The following AK5 variants were observed in gnomAD, a reference collection of about 807,000 sequenced individuals.
AK5 encodes the protein adenylate kinase 5.
A neutral mutation model predicts 69.5 loss-of-function variants in AK5; 27 were observed. That is an observed-to-expected ratio of 0.39 (90% CI 0.29 to 0.54). AK5 has a LOEUF of 0.54. Among genes scored for constraint, AK5 ranks in the 20% least tolerant of loss-of-function variants. The pLI is 0.71. For synonymous variants in AK5, 260 were observed against 244.4 expected, an observed-to-expected ratio of 1.06 and a Z score of -0.60; for missense variants, 531 against 700.4, an observed-to-expected ratio of 0.76 and a Z score of 2.73.
intron 2 of AK5, among the ~76,000 whole-genome samples, chr1:77,289,841 C>T (rs955651285): frequency 5.2e-5 from 6 of 115,548 alleles, no homozygotes; most frequent in Non-Finnish European, 8.1e-5. Flanking sequence ...CCAGCCTGGG[C>T]GACACAGAGA....
At chr1:77,521,778 A>G (rs1366832938) in intron 11 of AK5, 49 bp from the exon 12 acceptor site, 8 of 1,395,562 alleles carry the variant, frequency 5.7e-6, no homozygotes, top group South Asian at 1.2e-5. Context: ...GGGTACTTCT[A>G]GTGTTCTGTG....
chr1:77,518,479 C>T, intron 10 of AK5, 85 bp from the exon 11 acceptor site: 2 of 1,426,382 alleles, frequency 1.4e-6, no homozygotes. Flanking sequence ...GACTGGAACA[C>T]TGAGGCTTGC....
At chr1:77,440,353 G>A (rs1209893194) in intron 8 of AK5, among the ~76,000 whole-genome samples, 1 of 151,964 alleles carries the variant, frequency 6.6e-6, no homozygotes, top group East Asian at 1.9e-4. Flanking sequence ...CCTCTAATAG[G>A]GATTCCCTTA....
At chr1:77,466,767 T>C (rs1387100676) in intron 8 of AK5, among the ~76,000 whole-genome samples, 1 of 152,186 alleles carries the variant, frequency 6.6e-6, no homozygotes, top group African/African-American at 2.4e-5. Context: ...CAAGCCCTTT[T>C]TAAGAGGGCT....
At chr1:77,328,609 A>G (rs1660929852) in intron 5 of AK5, among the ~76,000 whole-genome samples, 2 of 152,240 alleles carry the variant, frequency 1.3e-5, no homozygotes, top group Admixed American at 1.3e-4. Context: ...AGCCATAAAA[A>G]TGAAGCCACA....
intron 10 of AK5, among the ~76,000 whole-genome samples, chr1:77,516,813 T>G (rs994089414): frequency 2.0e-5 from 3 of 152,072 alleles, no homozygotes; most frequent in African/African-American, 7.2e-5. Context: ...CTCATGCCTG[T>G]AATCCCAGCA....
chr1:77,540,009 T>G (rs1285292667), intron 13 of AK5, among the ~76,000 whole-genome samples: 2 of 152,166 alleles, frequency 1.3e-5, no homozygotes, highest in African/African-American at 4.8e-5. Context: ...AGCCCACAAA[T>G]AGGCCACAAG....
chr1:77,381,616 A>C (rs892420693), intron 6 of AK5, among the ~76,000 whole-genome samples: 2 of 152,210 alleles, frequency 1.3e-5, no homozygotes, highest in Non-Finnish European at 2.9e-5. Context: ...CAATAGTGGG[A>C]TATCCTTGAC....
At position 77,558,660 on chromosome 1, in the gene AK5, C is replaced by CCAT. The variant is rs1553164109; in HGVS notation, c.1679_1680insCAT (p.Ile561dup). The stretch of plus-strand genomic sequence containing the variant: ...CTTCAACTCTGCACAGCTATTGACT[C>CCAT]TATTTTCTGAAGGCAAAAATGCATG... On this transcript the variant is annotated inframe_insertion, in exon 14 of 14. Coordinates refer to ENST00000354567, the MANE Select transcript of AK5 (RefSeq NM_174858.3). 30 of 1,592,416 alleles carry CCAT rather than the reference C, an allele frequency of 1.9e-5. No individual in the cohort carries two copies. The highest frequency in any genetic ancestry group is 1.7e-4 in the Middle Eastern group (1 of 6,030).
chr1:77,546,430 C>T (rs1480857960), intron 13 of AK5, among the ~76,000 whole-genome samples: 3 of 152,072 alleles, frequency 2.0e-5, no homozygotes, highest in African/African-American at 7.2e-5. Context: ...GTTGGGAATT[C>T]ATAGGAAAAA....
intron 13 of AK5, among the ~76,000 whole-genome samples, chr1:77,552,305 C>T (rs1440504075): frequency 6.6e-6 from 1 of 152,182 alleles, no homozygotes; most frequent in Non-Finnish European, 1.5e-5. Flanking sequence ...TCCCATCCCT[C>T]TCCCCCACTG....
At chr1:77,496,732 A>G (rs1054816341) in intron 10 of AK5, among the ~76,000 whole-genome samples, 1 of 152,152 alleles carries the variant, frequency 6.6e-6, no homozygotes, top group East Asian at 1.9e-4. Flanking sequence ...GTGTCTAGCT[A>G]AAGGATTGTA....
intron 8 of AK5, among the ~76,000 whole-genome samples, chr1:77,474,383 A>G (rs1056829332): frequency 6.6e-6 from 1 of 151,956 alleles, no homozygotes; most frequent in Admixed American, 6.5e-5. Flanking sequence ...TCCCACTGCC[A>G]CTAACTAGCT....
chr1:77,349,043 CA>C (rs1007459205), intron 6 of AK5, among the ~76,000 whole-genome samples: 1 of 151,228 alleles, frequency 6.6e-6, no homozygotes, highest in Admixed American at 6.6e-5. Flanking sequence ...GTCCCCCCTC[CA>C]AAAAAAAGAA....
At chr1:77,450,876 A>C (rs1207808484) in intron 8 of AK5, among the ~76,000 whole-genome samples, 5 of 152,180 alleles carry the variant, frequency 3.3e-5, no homozygotes, top group African/African-American at 1.2e-4. Context: ...CTTTTTTATT[A>C]TTTATAAAAG....
In AK5 at chr1:77,383,436, A is replaced by G. The variant is rs142446946; in HGVS notation, c.892-27545A>G. 4.5e-4 allele frequency among the ~76,000 whole-genome samples: 69 copies of G among 152,294 alleles called. 1 individual carries two copies. The East Asian group carries it at 0.013, about 29-fold the overall frequency. ...TAGGAAATCCAGGGTAATAAACTGAAAGCTATGTGTGATGATCTAGAAAAT... is the reference window on the plus strand; with the variant it reads ...TAGGAAATCCAGGGTAATAAACTGAGAGCTATGTGTGATGATCTAGAAAAT... On this transcript the variant is annotated intron_variant, in intron 6 of 13. Transcript: ENST00000354567.
chr1:77,513,209 T>C (rs1375339391), intron 10 of AK5, among the ~76,000 whole-genome samples: 2 of 152,176 alleles, frequency 1.3e-5, no homozygotes, highest in African/African-American at 2.4e-5. Context: ...TTATGCCATC[T>C]TTCCCACACT....
intron 13 of AK5, among the ~76,000 whole-genome samples, chr1:77,546,645 G>A (rs1659558438): frequency 6.6e-6 from 1 of 152,178 alleles, no homozygotes; most frequent in Admixed American, 6.5e-5. Context: ...ATGAGGCAGA[G>A]GCTGCAGTGA....
chr1:77,444,438 TACTATATATAGTATATAC>T (rs1652603708), intron 8 of AK5, among the ~76,000 whole-genome samples: 14 of 49,802 alleles, frequency 2.8e-4, no homozygotes, highest in African/African-American at 1.4e-3. Context: ...TATAAATATA[TACTATATATAGTATATAC>T]ATAGTATAAA....
Sources: allele counts gnomAD v4.1 joint callset (sites outside exome capture counted in the v4.1 genomes callset), GRCh38; gene constraint gnomAD v4.1.1; transcripts MANE v1.5; gene names NCBI Gene and HGNC (gene_info 2026-07-23, HGNC 2026-07-21).